The following SASH1 variants were observed in gnomAD, a reference collection of about 807,000 sequenced individuals.
The protein encoded by SASH1 is SAM and SH3 domain-containing protein 1.
In SASH1, 44 loss-of-function variants were observed where a neutral mutation model predicts 125.2. The observed-to-expected ratio is 0.35, with a 90% confidence interval of 0.28 to 0.45. The LOEUF is 0.45. Ranked by LOEUF, SASH1 falls within the 20% of genes least tolerant of loss-of-function variation. The probability of loss-of-function intolerance (pLI) is 1.00; values close to 1 mark genes in which losing one functional copy is unlikely to be tolerated. For synonymous variants in SASH1, 639 were observed against 649.1 expected, an observed-to-expected ratio of 0.98 and a Z score of 0.24; for missense variants, 1,426 against 1,614.5, an observed-to-expected ratio of 0.88 and a Z score of 2.00.
upstream of SASH1, among the ~76,000 whole-genome samples, chr6:148,270,404 T>C (rs1779034480): frequency 1.3e-5 from 2 of 152,144 alleles, no homozygotes; most frequent in Non-Finnish European, 2.9e-5. Context: ...ATTGAACTGA[T>C]CCTAATTGCT....
intron 1 of SASH1, among the ~76,000 whole-genome samples, chr6:148,281,250 G>A (rs1019472355): frequency 2.0e-5 from 3 of 151,244 alleles, no homozygotes; most frequent in Non-Finnish European, 4.4e-5. Flanking sequence ...GAGCCACCGC[G>A]CCTGGCTGGC....
chr6:148,516,588 T>C (rs1381047930), intron 9 of SASH1, among the ~76,000 whole-genome samples: 3 of 147,800 alleles, frequency 2.0e-5, no homozygotes, highest in South Asian at 2.1e-4. Context: ...GTCTGCATGA[T>C]AATCATCATG....
At chr6:148,238,422 T>C in the SASH1 span, among the ~76,000 whole-genome samples, 877 of 152,038 alleles carry the variant, frequency 5.8e-3, 6 homozygotes, top group African/African-American at 0.02. Flanking sequence ...CAGAGTTTCA[T>C]CATGTTGGCC....
chr6:148,242,495 G>A, the SASH1 span, among the ~76,000 whole-genome samples: 1 of 152,152 alleles, frequency 6.6e-6, no homozygotes, highest in Non-Finnish European at 1.5e-5. Flanking sequence ...AATTTCTAGT[G>A]TTCAATCTTT....
chr6:148,267,365 T>TTGTGTGTGTGTGTGTG (rs200228547), upstream of SASH1, among the ~76,000 whole-genome samples: 7,058 of 129,922 alleles, frequency 0.054, 283 homozygotes, highest in Middle Eastern at 0.069. Context: ...CAGTACTACT[T>TTGTGTGTGTGTGTGTG]TGTGTGTGTG....
chr6:148,525,294 A>G lies in SASH1; in HGVS notation c.1213A>G (p.Thr405Ala), dbSNP rs138079007. The G allele has an allele frequency of 1.7e-4, 276 of 1,613,996 alleles. No homozygotes were observed. Among genetic ancestry groups the G allele is most frequent in the Middle Eastern group, 8.2e-4 (5 of 6,062 alleles). ...TGCCCTACCCTCTTTTCCACAGAGA[A>G]CCTGCAGTTTTGGAGGATTTGACTT... ...KGLGSLSHGR[T>A]CSFGGFDLTN... is the part of the protein sequence containing the mutation. Residue 405 changes from threonine to alanine, a missense_variant, in exon 11 of 20, where the codon ACC becomes GCC. Physicochemically the swap from Thr to Ala is moderately conservative, Grantham distance 58 (BLOSUM62 0). Around this residue, in one of 3 missense-constraint regions of SASH1, gnomAD observed 567 missense variants for 575.6 expected, o/e 0.99. Transcript: ENST00000367467.
At chr6:148,240,116 A>C in the SASH1 span, 1 of 152,086 alleles carries the variant, frequency 6.6e-6, no homozygotes, top group East Asian at 1.9e-4. Context: ...TCTAAACAAA[A>C]CAATTCCTAT....
intron 1 of SASH1, among the ~76,000 whole-genome samples, chr6:148,284,656 G>A (rs764767677): frequency 2.0e-5 from 3 of 151,864 alleles, no homozygotes; most frequent in African/African-American, 4.8e-5. Context: ...GAATTTCCTC[G>A]AACCATTACA....
intron 7 of SASH1, among the ~76,000 whole-genome samples, chr6:148,474,690 G>T (rs1048874419): frequency 3.9e-5 from 6 of 152,082 alleles, no homozygotes; most frequent in African/African-American, 1.2e-4. Context: ...TCCCATGTCA[G>T]CCTCCTGAGT....
intron 2 of SASH1, among the ~76,000 whole-genome samples, chr6:148,434,184 C>T (rs1364287449): frequency 6.7e-6 from 1 of 148,346 alleles, no homozygotes; most frequent in East Asian, 2.0e-4. Flanking sequence ...TCATGCCATT[C>T]TCCTGCCTCA....
chr6:148,416,402 AAT>A (rs1448409191), intron 2 of SASH1, among the ~76,000 whole-genome samples: 1 of 152,082 alleles, frequency 6.6e-6, no homozygotes, highest in East Asian at 1.9e-4. Context: ...GTGGAAGAGT[AAT>A]GAGTTTAAAG....
intron 9 of SASH1, among the ~76,000 whole-genome samples, chr6:148,516,116 A>C (rs1460597853): frequency 6.6e-6 from 1 of 152,256 alleles, no homozygotes; most frequent in Admixed American, 6.5e-5. Context: ...GGATAACTCT[A>C]ACGTAAAAAG....
intron 1 of SASH1, among the ~76,000 whole-genome samples, chr6:148,291,492 C>T (rs1172710498): frequency 6.6e-6 from 1 of 151,944 alleles, no homozygotes; most frequent in African/African-American, 2.4e-5. Flanking sequence ...ACCAGCCTGG[C>T]CAATGTGACG....
chr6:148,438,730 A>T (rs1776405560), intron 2 of SASH1, among the ~76,000 whole-genome samples: 1 of 134,148 alleles, frequency 7.5e-6, no homozygotes, highest in African/African-American at 2.8e-5. Context: ...TGTGGCAAAA[A>T]AAAAAAAAAA....
chr6:148,539,805 A>G (rs1445653113), intron 16 of SASH1, among the ~76,000 whole-genome samples: 3 of 152,116 alleles, frequency 2.0e-5, no homozygotes, highest in African/African-American at 7.2e-5. Context: ...AAAACAAAAG[A>G]AGATTTGCCA....
At position 148,487,918 on chromosome 6, in the gene SASH1, G is replaced by T. The variant is rs77522970; in HGVS notation, c.729+203G>T. Among the ~76,000 whole-genome samples the T allele has an allele frequency of 0.079, 10,760 of 135,856 alleles. 846 individuals are homozygous for T. The highest frequency in any genetic ancestry group is 0.46 in the East Asian group (2,238 of 4,856). The allele number at this position is 135,856 out of a possible 152,430, so 89.1% of individuals were successfully genotyped here. On this transcript the variant is annotated intron_variant, in intron 8 of 19. Coordinates refer to ENST00000367467, the MANE Select transcript of SASH1 (RefSeq NM_015278.5). Reference sequence around the variant, plus strand: ...AATAGTGTTATCATGCTGGGGTTTTGTTTTTTTTTTTTTTAATTGCAGTAA... The same window carrying T: ...AATAGTGTTATCATGCTGGGGTTTTTTTTTTTTTTTTTTTAATTGCAGTAA...
chr6:148,440,274 C>CTT (rs34635991), intron 3 of SASH1, 40 bp downstream of exon 3: 2 of 1,397,834 alleles, frequency 1.4e-6, no homozygotes, highest in Non-Finnish European at 2.0e-6. Context: ...TTGCTTCTGC[C>CTT]TTTTTTTTTT....
At chr6:148,280,062 C>T (rs1188549763) in intron 1 of SASH1, among the ~76,000 whole-genome samples, 1 of 71,928 alleles carries the variant, frequency 1.4e-5, no homozygotes, top group Non-Finnish European at 2.8e-5. Flanking sequence ...ACATCATTCC[C>T]CCCCATCATT....
intron 1 of SASH1, among the ~76,000 whole-genome samples, chr6:148,377,207 A>AAAAC (rs143048987): frequency 3.6e-5 from 3 of 83,992 alleles, no homozygotes; most frequent in African/African-American, 9.9e-5. Flanking sequence ...AAAAAAAAAC[A>AAAAC]AAACAAACAA....
Sources: allele counts gnomAD v4.1 joint callset (sites outside exome capture counted in the v4.1 genomes callset), GRCh38; gene constraint gnomAD v4.1.1; regional missense constraint gnomAD v4.1.1; transcripts MANE v1.5; gene names NCBI Gene and HGNC (gene_info 2026-07-23, HGNC 2026-07-21).